Variants in MAN1C1 observed in about 807,000 individuals in gnomAD.
MAN1C1 encodes mannosidase alpha class 1C member 1.
A neutral mutation model predicts 71.5 loss-of-function variants in MAN1C1; 49 were observed. The ratio of observed to expected loss-of-function variants is 0.69; its 90% CI spans 0.54 to 0.87. The LOEUF (loss-of-function observed/expected upper bound fraction) is 0.87. MAN1C1 is among the 40% of genes least tolerant of loss of function. The pLI, the probability that MAN1C1 is intolerant of heterozygous loss-of-function variation, is 0.00. For missense variants in MAN1C1, 743 were observed against 835.0 expected, an observed-to-expected ratio of 0.89 and a Z score of 1.36; for synonymous variants, 352 against 343.7, an observed-to-expected ratio of 1.02 and a Z score of -0.27.
intron 8 of MAN1C1, among the ~76,000 whole-genome samples, chr1:25,772,764 C>A (rs1409846891): frequency 6.6e-6 from 1 of 152,170 alleles, no homozygotes; most frequent in Non-Finnish European, 1.5e-5. Flanking sequence ...CTTTACCCAT[C>A]GGGTCCGCCT....
chr1:25,667,630 G>T (rs1367299977), intron 1 of MAN1C1, among the ~76,000 whole-genome samples: 4 of 151,958 alleles, frequency 2.6e-5, no homozygotes, highest in Non-Finnish European at 5.9e-5. Flanking sequence ...CTATTTCAGG[G>T]TTTTGAAATC....
At chr1:25,774,241 C>G (rs891859629) in intron 8 of MAN1C1, among the ~76,000 whole-genome samples, 1 of 152,154 alleles carries the variant, frequency 6.6e-6, no homozygotes, top group Non-Finnish European at 1.5e-5. Flanking sequence ...TCAGACAGAT[C>G]GGACTGGGCA....
chr1:25,617,913 C>A lies in MAN1C1; in HGVS notation c.116C>A (p.Ala39Asp), dbSNP rs995678197. 1.9e-6 allele frequency: 3 copies of A among 1,607,304 alleles called. No individual in the cohort carries two copies. Among genetic ancestry groups the A allele is most frequent in the African/African-American group, 1.3e-5 (1 of 74,174 alleles). ...GGCCTGGTCACCCTGTGCTTCGGGG[C>A]CCTCTTCCTGCTGCCCCACTCCTCT... Reference protein sequence around the residue: ...LSGLVTLCFGALFLLPHSSRL... With the variant: ...LSGLVTLCFGDLFLLPHSSRL... The change falls in exon 1 of 12, where the codon GCC becomes GAC. Residue 39 changes from alanine to aspartate, a missense_variant. Physicochemically the swap from Ala to Asp is moderately radical, Grantham distance 126. Transcript: ENST00000374332. This position sits in a 1 kb window ranked among gnomAD's most constrained non-coding sequence, Gnocchi z 5.1.
intron 5 of MAN1C1, among the ~76,000 whole-genome samples, chr1:25,755,847 T>G (rs572975000): frequency 6.6e-6 from 1 of 152,284 alleles, no homozygotes; most frequent in Admixed American, 6.5e-5. Context: ...ATGGGCCCAC[T>G]TGCACTTGAA....
intron 1 of MAN1C1, among the ~76,000 whole-genome samples, chr1:25,640,168 T>A (rs1422062437): frequency 6.6e-6 from 1 of 152,224 alleles, no homozygotes; most frequent in African/African-American, 2.4e-5. Context: ...TGATCTCTTG[T>A]CTCTCCTCAT....
rs765354933 is a variant in MAN1C1 at position 25,746,696 on chromosome 1, C to T, written c.666C>T (p.Asp222=). 1 of 1,614,118 alleles carries T rather than the reference C, an allele frequency of 6.2e-7. No individual in the cohort carries two copies. The highest frequency in any genetic ancestry group is 8.5e-7 in the Non-Finnish European group (1 of 1,179,982). Residue 222 remains aspartate (D), a synonymous_variant, in exon 3 of 12, where the codon GAC becomes GAT. Coordinates refer to ENST00000374332, the MANE Select transcript of MAN1C1 (RefSeq NM_020379.4). The surrounding 1 kb of genome is among the most constrained non-coding windows in gnomAD (Gnocchi z 4.0). ...GCCTCAGCGGGGCAACAGTCATTGA[C>T]TCCCTCGATACCCTCTACCTCATGG... ...FGGLSGATVI[D]SLDTLYLMEL... is the part of the protein sequence containing the mutation.
At chr1:25,664,177 C>A (rs1414083593) in intron 1 of MAN1C1, among the ~76,000 whole-genome samples, 2 of 152,102 alleles carry the variant, frequency 1.3e-5, no homozygotes, top group East Asian at 3.9e-4. Context: ...GTTGGGGGAC[C>A]TGAGCGTTAG....
intron 1 of MAN1C1, among the ~76,000 whole-genome samples, chr1:25,637,141 C>G (rs914850978): frequency 6.6e-6 from 1 of 151,590 alleles, no homozygotes; most frequent in African/African-American, 2.4e-5. Context: ...GGCAACAGAG[C>G]AAACTCTGTC....
intron 2 of MAN1C1, among the ~76,000 whole-genome samples, chr1:25,731,204 G>A (rs571216366): frequency 1.1e-4 from 17 of 152,344 alleles, no homozygotes; most frequent in Non-Finnish European, 2.4e-4. Flanking sequence ...AGCTACTCAG[G>A]AGGCTGAGGT....
chr1:25,769,816 C>T lies in MAN1C1; in HGVS notation c.1142-1841C>T, dbSNP rs945362332. On this transcript the variant is annotated intron_variant, in intron 7 of 11. Transcript: ENST00000374332. This position sits in a 1 kb window ranked among gnomAD's most constrained non-coding sequence, Gnocchi z 4.8. Reference sequence around the variant, plus strand: ...GCACTCATCGCACACCCGGCGGGCACCCGATGGCAAGGGGGGCCCACCACC... The same window carrying T: ...GCACTCATCGCACACCCGGCGGGCATCCGATGGCAAGGGGGGCCCACCACC... 6.6e-6 allele frequency among the ~76,000 whole-genome samples: 1 copy of T among 152,214 alleles called. No individual in the cohort carries two copies. Among genetic ancestry groups the T allele is most frequent in the Non-Finnish European group, 1.5e-5 (1 of 68,022 alleles).
At chr1:25,758,517 C>G in intron 5 of MAN1C1, 75 bp from the exon 6 acceptor site, 1 of 1,310,412 alleles carries the variant, frequency 7.6e-7, no homozygotes, top group Non-Finnish European at 1.1e-6. Context: ...CCCCACCGAG[C>G]AGCTGCTGTT....
At chr1:25,679,638 G>A (rs1458055261) in intron 1 of MAN1C1, among the ~76,000 whole-genome samples, 1 of 150,410 alleles carries the variant, frequency 6.6e-6, no homozygotes, top group African/African-American at 2.4e-5. Context: ...CCTTCACCCA[G>A]ATTCCGCAAA....
chr1:25,784,086 T>C lies in MAN1C1; in HGVS notation c.*297T>C, dbSNP rs2047735552. 3.5e-6 allele frequency: 1 copy of C among 286,462 alleles called. No individual in the cohort carries two copies. Among genetic ancestry groups the C allele is most frequent in the Non-Finnish European group, 6.5e-6 (1 of 153,058 alleles). 17.7% of individuals were successfully genotyped at this position (286,462 alleles called of 1,614,324 possible). On this transcript the variant is annotated 3_prime_UTR_variant, in exon 12 of 12. Coordinates refer to ENST00000374332, the MANE Select transcript of MAN1C1 (RefSeq NM_020379.4). ...ACCGGAGGTTTGCATATCCGCCCCT[T>C]GTATTTGATTTGCTTCCTTTTGGTT...
chr1:25,678,229 T>C (rs1463308861), intron 1 of MAN1C1, among the ~76,000 whole-genome samples: 1 of 152,236 alleles, frequency 6.6e-6, no homozygotes, highest in Non-Finnish European at 1.5e-5. Context: ...CATTTTTGCC[T>C]ATCATGAAAC....
intron 1 of MAN1C1, among the ~76,000 whole-genome samples, chr1:25,625,606 A>G (rs764936677): frequency 6.6e-6 from 1 of 152,210 alleles, no homozygotes; most frequent in Non-Finnish European, 1.5e-5. Flanking sequence ...ACATGAAGAT[A>G]GAAGTTCAAG....
intron 1 of MAN1C1, among the ~76,000 whole-genome samples, chr1:25,681,082 A>G (rs2046145021): frequency 1.3e-5 from 2 of 151,794 alleles, no homozygotes; most frequent in Non-Finnish European, 2.9e-5. Flanking sequence ...AAATCTACTA[A>G]AAAAGAAAAA....
chr1:25,669,645 A>G (rs1026604344), intron 1 of MAN1C1, among the ~76,000 whole-genome samples: 1 of 152,122 alleles, frequency 6.6e-6, no homozygotes, highest in Non-Finnish European at 1.5e-5. Flanking sequence ...GGTGGCACAC[A>G]CCTGCTACTT....
At position 25,780,989 on chromosome 1, in the gene MAN1C1, C is replaced by G. The variant is rs745399045; in HGVS notation, c.1527C>G (p.Ala509=). The part of the protein sequence containing the change: ...EAFWFNSGRE[A]VATQLSESYY... ...TCTGGTTTAACTCCGGCAGAGAGGC[C>G]GTGGCCACCCAGCTGAGCGAGAGCT... Residue 509 remains alanine (A), a synonymous_variant, in exon 10 of 12, where the codon GCC becomes GCG. Coordinates refer to ENST00000374332, the MANE Select transcript of MAN1C1 (RefSeq NM_020379.4). 4 of 1,614,146 alleles carry G rather than the reference C, an allele frequency of 2.5e-6. No individual in the cohort carries two copies. Among genetic ancestry groups the G allele is most frequent in the Non-Finnish European group, 3.4e-6 (4 of 1,180,026 alleles).
rs202227487 is a variant in MAN1C1 at position 25,636,413 on chromosome 1, C to T, written c.540+18076C>T. Among the ~76,000 whole-genome samples, 14 of 152,244 alleles carry T rather than the reference C, an allele frequency of 9.2e-5. No individual in the cohort carries two copies. The East Asian group carries it at 2.5e-3, about 27-fold the overall frequency. Reference sequence around the variant, plus strand: ...CCTCCCCCCAGGAATACATTCCTTCCCCAGGGTATTAATTATTAATATTCC... The same window carrying T: ...CCTCCCCCCAGGAATACATTCCTTCTCCAGGGTATTAATTATTAATATTCC... On this transcript the variant is annotated intron_variant, in intron 1 of 11. Coordinates refer to ENST00000374332, the MANE Select transcript of MAN1C1 (RefSeq NM_020379.4).
Sources: allele counts gnomAD v4.1 joint callset (sites outside exome capture counted in the v4.1 genomes callset), GRCh38; gene constraint gnomAD v4.1.1; non-coding constraint Gnocchi (gnomAD v3.1); transcripts MANE v1.5; gene names NCBI Gene and HGNC (gene_info 2026-07-23, HGNC 2026-07-21).